The following SHANK2 variants were observed in gnomAD, a reference collection of about 807,000 sequenced individuals.
SHANK2 encodes the protein SH3 and multiple ankyrin repeat domains 2, also known as SH3 and multiple ankyrin repeat domains protein 2.
SHANK2 carries 43 observed loss-of-function variants against 133.7 expected under a neutral mutation model. The ratio of observed to expected loss-of-function variants is 0.32; its 90% CI spans 0.25 to 0.41. The LOEUF (loss-of-function observed/expected upper bound fraction) is 0.41. Among genes scored for constraint, SHANK2 ranks in the 10% least tolerant of loss-of-function variants. SHANK2 has a pLI of 1.00. For missense variants in SHANK2, 1,994 were observed against 2,235.8 expected, an observed-to-expected ratio of 0.89 and a Z score of 2.18; for synonymous variants, 1,017 against 952.8, an observed-to-expected ratio of 1.07 and a Z score of -1.24.
intron 17 of SHANK2, among the ~76,000 whole-genome samples, chr11:70,505,713 G>C (rs58767122): frequency 0.02 from 3,061 of 152,286 alleles, 40 homozygotes; most frequent in Middle Eastern, 0.065. Context: ...ACTGGCACGG[G>C]GATGGGCTGC....
intron 17 of SHANK2, among the ~76,000 whole-genome samples, chr11:70,592,874 T>C (rs1042592393): frequency 1.3e-5 from 2 of 152,108 alleles, no homozygotes; most frequent in South Asian, 2.1e-4. Flanking sequence ...CATCCCCACC[T>C]CGCCTGGGGT....
rs551983124 is a variant in SHANK2, at chr11:70,473,722, G to A, written c.4980-283C>T. ...GCCTGTGCTGGGGGGAGCACACCAC[G>A]TCAGCCCACTCACCTGAACTGGGAC... On this transcript the variant is annotated intron_variant, in intron 25 of 25. Coordinates refer to ENST00000601538, the MANE Select transcript of SHANK2 (RefSeq NM_012309.5). The surrounding 1 kb of genome is among the most constrained non-coding windows in gnomAD (Gnocchi z 5.9). 2.0e-3 allele frequency: 1,032 copies of A among 503,952 alleles called. 3 individuals carry two copies. The highest frequency in any genetic ancestry group is 3.3e-3 in the Non-Finnish European group (887 of 270,478). The allele number at this position is 503,952 out of a possible 1,614,324, so 31.2% of individuals were successfully genotyped here.
chr11:70,916,893 T>A (rs1341211777), intron 10 of SHANK2, among the ~76,000 whole-genome samples: 1 of 152,102 alleles, frequency 6.6e-6, no homozygotes, highest in Non-Finnish European at 1.5e-5. Flanking sequence ...CATTTCTCAA[T>A]CTCCACGGTA....
intron 17 of SHANK2, among the ~76,000 whole-genome samples, chr11:70,557,280 C>T (rs7939958): frequency 0.97 from 147,479 of 152,188 alleles, 71,629 homozygotes; most frequent in East Asian, 1. Flanking sequence ...CAGGATCTCA[C>T]GAATTACAGA....
chr11:71,230,502 G>A (rs535424362), intron 1 of SHANK2, among the ~76,000 whole-genome samples: 2 of 151,846 alleles, frequency 1.3e-5, no homozygotes, highest in African/African-American at 4.8e-5. Flanking sequence ...CCGGGAGGTG[G>A]AGATTGCAGT....
chr11:70,928,525 C>T (rs1403221647), intron 10 of SHANK2, among the ~76,000 whole-genome samples: 1 of 152,070 alleles, frequency 6.6e-6, no homozygotes, highest in East Asian at 1.9e-4. Context: ...TTATGTGGAA[C>T]ACGAGATGGG....
chr11:70,662,241 G>A (rs1944567585), intron 15 of SHANK2: 1 of 200,970 alleles, frequency 5.0e-6, no homozygotes, highest in Non-Finnish European at 1.0e-5. Flanking sequence ...GCCGGCAGCA[G>A]GCACCAGAGA....
chr11:71,105,942 T>G (rs540202518), intron 6 of SHANK2, among the ~76,000 whole-genome samples: 1 of 152,118 alleles, frequency 6.6e-6, no homozygotes, highest in East Asian at 1.9e-4. Flanking sequence ...GTAAGCTCTG[T>G]ACTTGAGGAT....
chr11:70,611,608 C>T (rs2060658239), intron 17 of SHANK2, among the ~76,000 whole-genome samples: 1 of 152,246 alleles, frequency 6.6e-6, no homozygotes, highest in Non-Finnish European at 1.5e-5. Context: ...CTGCATTTAT[C>T]ATTCCATTCT....
intron 15 of SHANK2, among the ~76,000 whole-genome samples, chr11:70,690,800 T>C (rs1254529999): frequency 6.6e-6 from 1 of 151,896 alleles, no homozygotes; most frequent in Non-Finnish European, 1.5e-5. Context: ...AGGTAATCCA[T>C]TAGCATACTG....
rs549574902 is a variant in SHANK2, at chr11:70,807,722, G to A, written c.1494-551C>T. The stretch of plus-strand genomic sequence containing the variant: ...GTGAGCACCTGTAATCCGGGCTACT[G>A]GAGAGGCTGAGGCAGGAGAATTGCT... On this transcript the variant is annotated intron_variant, in intron 12 of 25. Transcript: ENST00000601538. This position sits in a 1 kb window ranked among gnomAD's most constrained non-coding sequence, Gnocchi z 4.8. Among the ~76,000 whole-genome samples the A allele has an allele frequency of 6.6e-6, 1 of 152,220 alleles. No homozygotes were observed. Among genetic ancestry groups the A allele is most frequent in the East Asian group, 1.9e-4 (1 of 5,178 alleles).
chr11:70,933,864 C>T (rs1270518267), intron 10 of SHANK2, among the ~76,000 whole-genome samples: 1 of 149,574 alleles, frequency 6.7e-6, no homozygotes, highest in Non-Finnish European at 1.5e-5. Flanking sequence ...TGCACCACTG[C>T]CCTCCAGCCT....
chr11:70,503,979 G>T (rs2059099411), intron 17 of SHANK2, among the ~76,000 whole-genome samples: 1 of 152,206 alleles, frequency 6.6e-6, no homozygotes, highest in Admixed American at 6.5e-5. Context: ...TCCACAGGGG[G>T]CCTCTGGCAC....
At chr11:70,628,856 T>C (rs908729409) in intron 17 of SHANK2, among the ~76,000 whole-genome samples, 1 of 152,222 alleles carries the variant, frequency 6.6e-6, no homozygotes, top group African/African-American at 2.4e-5. Flanking sequence ...ATCACAGTAC[T>C]GCTGTGGGCT....
intron 11 of SHANK2, chr11:70,826,844 C>T (rs1158723071): frequency 9.1e-6 from 2 of 220,582 alleles, no homozygotes; most frequent in South Asian, 7.2e-5. Context: ...AGGGTTAACG[C>T]GGATCAGGCG....
At chr11:70,629,301 G>A (rs1225986080) in intron 17 of SHANK2, among the ~76,000 whole-genome samples, 1 of 152,184 alleles carries the variant, frequency 6.6e-6, no homozygotes, top group Non-Finnish European at 1.5e-5. Flanking sequence ...CTGGGAGAGG[G>A]GCAGCGAGCC....
In SHANK2 at chr11:71,129,822, C is replaced by G. The variant is rs1211127221; in HGVS notation, c.208-10790G>C. 2.6e-5 allele frequency among the ~76,000 whole-genome samples: 4 copies of G among 152,216 alleles called. No individual in the cohort carries two copies. The East Asian group carries it at 7.7e-4, about 29-fold the overall frequency. On this transcript the variant is annotated intron_variant, in intron 3 of 25. Transcript: ENST00000601538. ...GTGTTTGGCCTGAGTCTGCCACTTA[C>G]GCTGAGTTATGAGTCACTCGGGCTG...
intron 10 of SHANK2, among the ~76,000 whole-genome samples, chr11:70,923,744 G>A (rs1950385809): frequency 6.6e-6 from 1 of 152,064 alleles, no homozygotes; most frequent in Non-Finnish European, 1.5e-5. Context: ...GTAGAGTCAA[G>A]GTCTCACTAT....
chr11:70,522,406 G>A (rs2059341565), intron 17 of SHANK2, among the ~76,000 whole-genome samples: 1 of 152,222 alleles, frequency 6.6e-6, no homozygotes, highest in Non-Finnish European at 1.5e-5. Flanking sequence ...CCAAAGGGGT[G>A]GCCACAGCAT....
Sources: allele counts gnomAD v4.1 joint callset (sites outside exome capture counted in the v4.1 genomes callset), GRCh38; gene constraint gnomAD v4.1.1; non-coding constraint Gnocchi (gnomAD v3.1); transcripts MANE v1.5; gene names NCBI Gene and HGNC (gene_info 2026-07-23, HGNC 2026-07-21).